DIAPH3: variants seen among roughly 807,000 people sequenced by gnomAD.
The protein encoded by DIAPH3 is protein diaphanous homolog 3.
In DIAPH3, 117 loss-of-function variants were observed where a neutral mutation model predicts 144.3. The ratio of observed to expected loss-of-function variants is 0.81; its 90% CI spans 0.70 to 0.95. The LOEUF is 0.95. DIAPH3 is among the 40% of genes least tolerant of loss of function. The pLI is 0.00. For synonymous variants in DIAPH3, 519 were observed against 488.9 expected (o/e 1.06, Z -0.81); for missense variants, 1,421 against 1,412.7 (o/e 1.01, Z -0.09).
intron 3 of DIAPH3, among the ~76,000 whole-genome samples, chr13:60,105,099 C>CA (rs60853102): frequency 0.19 from 7,865 of 41,700 alleles, 1,166 homozygotes; most frequent in Middle Eastern, 0.29. Context: ...GACACGATCT[C>CA]AAAAAAAAAA....
At chr13:59,669,246 C>A (rs2032209065) in intron 27 of DIAPH3, among the ~76,000 whole-genome samples, 1 of 152,152 alleles carries the variant, frequency 6.6e-6, no homozygotes, top group Admixed American at 6.5e-5. Context: ...CACATATCCT[C>A]CATTTCTTTC....
rs372510179 is a variant in DIAPH3 at position 59,784,851 on chromosome 13, G to A, written c.3164-10028C>T. 3.0e-4 allele frequency among the ~76,000 whole-genome samples: 45 copies of A among 148,678 alleles called. 1 individual carries two copies. The highest frequency in any genetic ancestry group is 3.4e-3 in the Middle Eastern group (1 of 290). ...TCTAGAAGAAAAACCACACACGCGC[G>A]CACACACACACACACACACAGTTGC... is the stretch of plus-strand genomic sequence containing the variant. On this transcript the variant is annotated intron_variant, in intron 25 of 27. Transcript: ENST00000400324.
intron 27 of DIAPH3, among the ~76,000 whole-genome samples, chr13:59,743,393 A>G (rs1033608215): frequency 6.6e-6 from 1 of 152,124 alleles, no homozygotes; most frequent in African/African-American, 2.4e-5. Flanking sequence ...GGTCGTGAGT[A>G]AGGCAAAGGA....
intron 25 of DIAPH3, among the ~76,000 whole-genome samples, chr13:59,776,435 A>G (rs1671100346): frequency 6.6e-6 from 1 of 152,152 alleles, no homozygotes; most frequent in African/African-American, 2.4e-5. Context: ...TTATTTTCAA[A>G]TTCAACTATA....
At chr13:59,802,839 G>A (rs1395786173) in intron 25 of DIAPH3, among the ~76,000 whole-genome samples, 12 of 147,764 alleles carry the variant, frequency 8.1e-5, no homozygotes, top group African/African-American at 2.2e-4. Context: ...CCGCCACCGC[G>A]CCCGGCTAAT....
At chr13:60,035,218 C>G (rs1348200715) in intron 5 of DIAPH3, among the ~76,000 whole-genome samples, 2 of 152,200 alleles carry the variant, frequency 1.3e-5, no homozygotes, top group Non-Finnish European at 2.9e-5. Context: ...CTGTTAAAAG[C>G]AATTAATAAA....
chr13:60,009,446 G>C (rs2053101044), intron 8 of DIAPH3, among the ~76,000 whole-genome samples: 1 of 152,040 alleles, frequency 6.6e-6, no homozygotes, highest in South Asian at 2.1e-4. Context: ...AAAAGAGGAG[G>C]TTAAAAGACA....
At chr13:59,973,796 T>C (rs750044165) in intron 15 of DIAPH3, among the ~76,000 whole-genome samples, 2 of 152,156 alleles carry the variant, frequency 1.3e-5, no homozygotes, top group Non-Finnish European at 2.9e-5. Flanking sequence ...ACATAAAGCA[T>C]GCAGATGACG....
chr13:59,708,161 C>G (rs2034533528), intron 27 of DIAPH3, among the ~76,000 whole-genome samples: 1 of 151,922 alleles, frequency 6.6e-6, no homozygotes, highest in South Asian at 2.1e-4. Flanking sequence ...CTCAGGGGCT[C>G]AAGCGATCCT....
Position 59,929,060 on chromosome 13 carries a change from T to C in DIAPH3, c.2075-4190A>G, listed in dbSNP as rs550421379. On this transcript the variant is annotated intron_variant, in intron 17 of 27. Transcript: ENST00000400324. Reference sequence around the variant, plus strand: ...TCAAAATCTGAAATGCTCCAAAATCTGAAACTTTGAGTATCAAGATGACAC... The same window carrying C: ...TCAAAATCTGAAATGCTCCAAAATCCGAAACTTTGAGTATCAAGATGACAC... 7.2e-5 allele frequency among the ~76,000 whole-genome samples: 11 copies of C among 152,294 alleles called. No homozygotes were observed. The South Asian group carries it at 2.3e-3, about 32-fold the overall frequency.
intron 27 of DIAPH3, among the ~76,000 whole-genome samples, chr13:59,749,506 C>T (rs1172897068): frequency 5.3e-4 from 59 of 110,884 alleles, no homozygotes; most frequent in African/African-American, 2.0e-3. Flanking sequence ...GGTGACAGAG[C>T]GAGACTCCAT....
At chr13:59,756,379 TTAAA>T (rs534461037) in intron 27 of DIAPH3, among the ~76,000 whole-genome samples, 1 of 148,928 alleles carries the variant, frequency 6.7e-6, no homozygotes, top group East Asian at 2.0e-4. Flanking sequence ...ATACCTTTTC[TTAAA>T]TAGATACATG....
At chr13:60,009,829 T>C (rs780858748) in intron 8 of DIAPH3, among the ~76,000 whole-genome samples, 1 of 152,180 alleles carries the variant, frequency 6.6e-6, no homozygotes, top group African/African-American at 2.4e-5. Context: ...CCCCTACATA[T>C]GGGGGATATT....
intron 17 of DIAPH3, among the ~76,000 whole-genome samples, chr13:59,950,170 T>C (rs2049026931): frequency 6.6e-6 from 1 of 152,096 alleles, no homozygotes; most frequent in Admixed American, 6.6e-5. Flanking sequence ...CAGAAGAAAA[T>C]ATAAATGCCT....
At chr13:59,835,792 T>C (rs1392205376) in intron 23 of DIAPH3, among the ~76,000 whole-genome samples, 1 of 151,812 alleles carries the variant, frequency 6.6e-6, no homozygotes, top group Admixed American at 6.6e-5. Context: ...CTATTTTACT[T>C]CCTAGTCGCC....
chr13:59,887,022 A>G (rs2045497083), intron 20 of DIAPH3, among the ~76,000 whole-genome samples: 3 of 152,026 alleles, frequency 2.0e-5, no homozygotes, highest in Admixed American at 6.6e-5. Context: ...GTTGAGTATA[A>G]CTCCAGGTTT....
chr13:59,821,443 T>C (rs1197534475), intron 24 of DIAPH3, among the ~76,000 whole-genome samples: 1 of 152,068 alleles, frequency 6.6e-6, no homozygotes, highest in Non-Finnish European at 1.5e-5. Context: ...TCCTTAAAAA[T>C]ACATTTCTGT....
intron 24 of DIAPH3, among the ~76,000 whole-genome samples, chr13:59,818,486 T>C: frequency 6.6e-6 from 1 of 151,030 alleles, no homozygotes; most frequent in Non-Finnish European, 1.5e-5. Flanking sequence ...TGGCTGCAAT[T>C]TTTTTTTTGG....
At chr13:60,018,662 G>A (rs2053814093) in intron 5 of DIAPH3, among the ~76,000 whole-genome samples, 1 of 152,098 alleles carries the variant, frequency 6.6e-6, no homozygotes, top group East Asian at 1.9e-4. Flanking sequence ...GTGTAAAGAG[G>A]CATTAAACCA....
Sources: allele counts gnomAD v4.1 joint callset (sites outside exome capture counted in the v4.1 genomes callset), GRCh38; gene constraint gnomAD v4.1.1; transcripts MANE v1.5; gene names NCBI Gene and HGNC (gene_info 2026-07-23, HGNC 2026-07-21).